Variants in SLC24A2 observed in about 807,000 individuals in gnomAD.
SLC24A2 encodes the protein sodium/potassium/calcium exchanger 2.
Under a neutral mutation model 62.0 loss-of-function variants are expected in SLC24A2, and 36 were observed. That is an observed-to-expected ratio of 0.58 (90% CI 0.44 to 0.77). SLC24A2 has a LOEUF of 0.77. SLC24A2 is among the 30% of genes least tolerant of loss of function. The pLI is 0.00. For missense variants in SLC24A2, 846 were observed against 817.9 expected (o/e 1.03, Z -0.42); for synonymous variants, 358 against 294.0 (o/e 1.22, Z -2.23).
At chr9:20,035,140 T>C in the SLC24A2 span, among the ~76,000 whole-genome samples, 1 of 152,206 alleles carries the variant, frequency 6.6e-6, no homozygotes, top group East Asian at 1.9e-4. Flanking sequence ...GTCCTAGTTC[T>C]AATTTTTACT....
chr9:20,007,562 A>G, the SLC24A2 span, among the ~76,000 whole-genome samples: 2 of 152,156 alleles, frequency 1.3e-5, no homozygotes, highest in Non-Finnish European at 2.9e-5. Flanking sequence ...GGTGTTTATA[A>G]ATCCATTTAT....
chr9:20,269,742 T>C, the SLC24A2 span, among the ~76,000 whole-genome samples: 37 of 152,342 alleles, frequency 2.4e-4, no homozygotes, highest in African/African-American at 8.7e-4. Flanking sequence ...ATACTTTGTT[T>C]TTACTACATC....
At chr9:19,954,025 G>A in the SLC24A2 span, among the ~76,000 whole-genome samples, 3 of 151,608 alleles carry the variant, frequency 2.0e-5, no homozygotes, top group African/African-American at 7.3e-5. Flanking sequence ...TCCCTGAGGT[G>A]CCTCAGCACA....
intron 2 of SLC24A2, among the ~76,000 whole-genome samples, chr9:19,650,608 C>A (rs1818771578): frequency 6.6e-6 from 1 of 152,136 alleles, no homozygotes; most frequent in African/African-American, 2.4e-5. Context: ...AGCTAACTGG[C>A]CAAATGGGAA....
At chr9:20,031,877 A>C in the SLC24A2 span, among the ~76,000 whole-genome samples, 1 of 152,184 alleles carries the variant, frequency 6.6e-6, no homozygotes, top group African/African-American at 2.4e-5. Flanking sequence ...AGAAAGAAAG[A>C]AAAAGCCCAG....
chr9:20,039,909 C>T, the SLC24A2 span, among the ~76,000 whole-genome samples: 1 of 152,186 alleles, frequency 6.6e-6, no homozygotes. Flanking sequence ...ATTCACTCAG[C>T]TTAGGCAGAG....
chr9:19,684,974 A>G (rs1011476907), intron 2 of SLC24A2, among the ~76,000 whole-genome samples: 1 of 152,118 alleles, frequency 6.6e-6, no homozygotes, highest in Non-Finnish European at 1.5e-5. Context: ...AAAAGTTCCT[A>G]TATCTGATAA....
the SLC24A2 span, among the ~76,000 whole-genome samples, chr9:19,860,046 C>T: frequency 6.6e-6 from 1 of 152,092 alleles, no homozygotes. Context: ...CCTAGGCAGT[C>T]CTAGGACTGA....
the SLC24A2 span, among the ~76,000 whole-genome samples, chr9:20,305,266 C>T: frequency 9.5e-4 from 145 of 152,116 alleles, no homozygotes; most frequent in African/African-American, 3.3e-3. Flanking sequence ...TGCTACAACG[C>T]CTGGCTAATT....
At chr9:19,571,218 T>C (rs997172181) in intron 7 of SLC24A2, among the ~76,000 whole-genome samples, 4 of 152,066 alleles carry the variant, frequency 2.6e-5, no homozygotes, top group African/African-American at 9.7e-5. Context: ...GCCAGCTCAC[T>C]CTTGAGCTAA....
At chr9:19,554,106 GAGA>G (rs1001586769) in intron 7 of SLC24A2, among the ~76,000 whole-genome samples, 5 of 152,160 alleles carry the variant, frequency 3.3e-5, no homozygotes, top group African/African-American at 1.2e-4. Context: ...GTCCTTATAG[GAGA>G]AGATTAGGAC....
At chr9:19,617,574 C>A (rs1817802242) in intron 4 of SLC24A2, among the ~76,000 whole-genome samples, 1 of 152,162 alleles carries the variant, frequency 6.6e-6, no homozygotes, top group Admixed American at 6.5e-5. Context: ...CTGATATTTT[C>A]TCCTTGCTTC....
chr9:19,605,018 T>G (rs1024407748), intron 4 of SLC24A2, among the ~76,000 whole-genome samples: 10 of 152,200 alleles, frequency 6.6e-5, no homozygotes, highest in Non-Finnish European at 8.8e-5. Flanking sequence ...ACTGTATAAG[T>G]GGGATTACAT....
the SLC24A2 span, among the ~76,000 whole-genome samples, chr9:19,902,328 AG>A: frequency 6.6e-6 from 1 of 152,208 alleles, no homozygotes; most frequent in Admixed American, 6.5e-5. Context: ...TACAAGACTG[AG>A]TAAGAATTTT....
the SLC24A2 span, among the ~76,000 whole-genome samples, chr9:20,156,392 A>G: frequency 1.1e-4 from 17 of 151,814 alleles, 1 homozygote; most frequent in East Asian, 2.9e-3. Context: ...ACCTTATACC[A>G]TATCACACAG....
chr9:19,773,054 C>T (rs1454739326), intron 2 of SLC24A2, among the ~76,000 whole-genome samples: 2 of 152,084 alleles, frequency 1.3e-5, no homozygotes, highest in South Asian at 4.1e-4. Flanking sequence ...ATGAAAGCAG[C>T]CAGTGCAAAA....
At chr9:20,007,600 A>G in the SLC24A2 span, among the ~76,000 whole-genome samples, 1 of 152,280 alleles carries the variant, frequency 6.6e-6, no homozygotes, top group East Asian at 1.9e-4. Flanking sequence ...ACTTTATTGA[A>G]AAATCTGAAT....
chr9:20,198,049 C>T, the SLC24A2 span, among the ~76,000 whole-genome samples: 1 of 152,126 alleles, frequency 6.6e-6, no homozygotes, highest in African/African-American at 2.4e-5. Context: ...TACAAAACAC[C>T]CCACTTGTAA....
chr9:20,103,714 A>C, the SLC24A2 span, among the ~76,000 whole-genome samples: 1 of 152,178 alleles, frequency 6.6e-6, no homozygotes, highest in Non-Finnish European at 1.5e-5. Flanking sequence ...ACCATCATCA[A>C]AGACCAAAAG....
Sources: gnomAD v4.1 joint callset for allele counts (sites outside exome capture counted in the v4.1 genomes callset) on GRCh38, gnomAD v4.1.1 for gene constraint, MANE v1.5 for transcripts, NCBI Gene and HGNC (gene_info 2026-07-23, HGNC 2026-07-21) for gene names.